DLGAP2: variants seen among roughly 807,000 people sequenced by gnomAD.
The protein encoded by DLGAP2 is DLG associated protein 2, also known as disks large-associated protein 2.
DLGAP2 carries 26 observed loss-of-function variants against 100.3 expected under a neutral mutation model. That is an observed-to-expected ratio of 0.26 (90% CI 0.19 to 0.36). The LOEUF is 0.36. DLGAP2 is among the 10% of genes least tolerant of loss of function. DLGAP2 has a pLI of 1.00. For synonymous variants in DLGAP2, 886 were observed against 630.1 expected (o/e 1.41, Z -6.08); for missense variants, 1,858 against 1,453.2 (o/e 1.28, Z -4.53).
intron 1 of DLGAP2, chr8:891,277 T>A (rs1471020540): frequency 6.6e-6 from 1 of 152,348 alleles, no homozygotes; most frequent in East Asian, 1.9e-4. Flanking sequence ...TATTTCATCT[T>A]AATTTTGAGA....
chr8:1,529,425 C>G (rs1211758761), intron 4 of DLGAP2, among the ~76,000 whole-genome samples: 1 of 152,184 alleles, frequency 6.6e-6, no homozygotes, highest in Non-Finnish European at 1.5e-5. Context: ...TTTCATGCCA[C>G]AGATTATCTC....
At chr8:1,288,653 T>C (rs982866448) in intron 3 of DLGAP2, among the ~76,000 whole-genome samples, 1 of 144,764 alleles carries the variant, frequency 6.9e-6, no homozygotes, top group South Asian at 2.3e-4. Flanking sequence ...GTGTACGTAG[T>C]TAGGAGGGGA....
intron 2 of DLGAP2, among the ~76,000 whole-genome samples, chr8:1,071,974 G>T (rs1425939561): frequency 1.3e-5 from 2 of 152,304 alleles, no homozygotes; most frequent in African/African-American, 4.8e-5. Flanking sequence ...GTGGTTTCTC[G>T]TCAGTGTGCT....
At chr8:1,317,021 G>C (rs1367776398) in intron 3 of DLGAP2, among the ~76,000 whole-genome samples, 8 of 98,448 alleles carry the variant, frequency 8.1e-5, no homozygotes, top group African/African-American at 2.6e-4. Context: ...AAACTCGGCA[G>C]CTTTTAAAAA....
chr8:1,658,043 A>G (rs1442549034), intron 8 of DLGAP2, among the ~76,000 whole-genome samples: 1 of 152,092 alleles, frequency 6.6e-6, no homozygotes, highest in Non-Finnish European at 1.5e-5. Context: ...AGGCTTGAGG[A>G]GGTGGTGATT....
intron 3 of DLGAP2, among the ~76,000 whole-genome samples, chr8:1,439,745 T>G (rs1207822958): frequency 6.6e-6 from 1 of 152,078 alleles, no homozygotes; most frequent in Admixed American, 6.5e-5. Context: ...GAGCCACATG[T>G]GCCCACCCTC....
chr8:1,147,219 T>G (rs1402310996), intron 2 of DLGAP2, among the ~76,000 whole-genome samples: 2 of 152,220 alleles, frequency 1.3e-5, no homozygotes, highest in African/African-American at 4.8e-5. Flanking sequence ...ATCATAGGTA[T>G]TCGATATTTC....
Position 1,417,722 on chromosome 8 carries a change from T to C in DLGAP2, c.107-83644T>C. ...CCACTCCTGCCTCACTCGGCGAGGC[T>C]CCAGACACAGAAGCCCACGGAGACC... is the stretch of plus-strand genomic sequence containing the variant. On this transcript the variant is annotated intron_variant, in intron 3 of 14. Transcript: ENST00000637795. Among the ~76,000 whole-genome samples, 2 of 147,620 alleles carry C rather than the reference T, an allele frequency of 1.4e-5. 1 individual carries two copies. The highest frequency in any genetic ancestry group is 3.0e-5 in the Non-Finnish European group (2 of 67,216).
At chr8:1,475,804 T>C (rs1021039580) in intron 3 of DLGAP2, among the ~76,000 whole-genome samples, 1 of 152,174 alleles carries the variant, frequency 6.6e-6, no homozygotes, top group African/African-American at 2.4e-5. Context: ...TAGTGTGTGA[T>C]TTATAGGAGA....
At chr8:1,573,011 G>A (rs1802801745) in intron 6 of DLGAP2, among the ~76,000 whole-genome samples, 1 of 94,410 alleles carries the variant, frequency 1.1e-5, no homozygotes, top group Non-Finnish European at 2.2e-5. Flanking sequence ...CTGGGATGGA[G>A]AGGAGAGAGG....
chr8:1,459,227 GCGTGCGTCC>G (rs1332862252), intron 3 of DLGAP2, among the ~76,000 whole-genome samples: 7 of 136,498 alleles, frequency 5.1e-5, no homozygotes, highest in Admixed American at 2.2e-4. Context: ...TACAAGACCA[GCGTGCGTCC>G]CAGACAGGAG....
intron 2 of DLGAP2, among the ~76,000 whole-genome samples, chr8:919,803 T>C (rs1432825339): frequency 6.6e-6 from 1 of 152,216 alleles, no homozygotes; most frequent in African/African-American, 2.4e-5. Flanking sequence ...GTGGCTGTGC[T>C]CTCTGTGGTG....
chr8:885,756 G>T (rs569232364), intron 1 of DLGAP2, among the ~76,000 whole-genome samples: 5 of 152,228 alleles, frequency 3.3e-5, no homozygotes, highest in African/African-American at 1.2e-4. Flanking sequence ...TTGGCTGTGG[G>T]TTTGTCGTAA....
intron 2 of DLGAP2, among the ~76,000 whole-genome samples, chr8:1,110,674 T>C (rs990811710): frequency 6.6e-6 from 1 of 151,748 alleles, no homozygotes; most frequent in African/African-American, 2.4e-5. Context: ...CCCAAACATC[T>C]GCAAGTAACT....
chr8:1,439,210 A>G (rs566826270), intron 3 of DLGAP2, among the ~76,000 whole-genome samples: 4 of 152,188 alleles, frequency 2.6e-5, no homozygotes, highest in Admixed American at 2.6e-4. Context: ...CCTCCCCTCC[A>G]GAGGCAGGAG....
intron 2 of DLGAP2, among the ~76,000 whole-genome samples, chr8:1,190,036 C>G (rs900506653): frequency 1.3e-5 from 2 of 152,230 alleles, no homozygotes; most frequent in Non-Finnish European, 2.9e-5. Flanking sequence ...CCTTTATTCA[C>G]TGAGAGTTGG....
At chr8:1,380,268 G>A (rs558370329) in intron 3 of DLGAP2, 3 of 152,342 alleles carry the variant, frequency 2.0e-5, no homozygotes, top group African/African-American at 7.2e-5. Flanking sequence ...AGTGTTTGCT[G>A]TGCGTGTGGG....
chr8:1,102,230 C>T (rs535161612), intron 2 of DLGAP2, among the ~76,000 whole-genome samples: 3 of 146,952 alleles, frequency 2.0e-5, no homozygotes, highest in South Asian at 2.1e-4. Context: ...AATATAGATT[C>T]AAGCTTTTAC....
intron 1 of DLGAP2, among the ~76,000 whole-genome samples, chr8:835,562 G>C (rs1368350067): frequency 6.6e-6 from 1 of 151,108 alleles, no homozygotes; most frequent in East Asian, 2.0e-4. Context: ...CCGTGCTCCT[G>C]TGTCCGGGGG....
Sources: allele counts gnomAD v4.1 joint callset (sites outside exome capture counted in the v4.1 genomes callset), GRCh38; gene constraint gnomAD v4.1.1; transcripts MANE v1.5; gene names NCBI Gene and HGNC (gene_info 2026-07-23, HGNC 2026-07-21).